CTNNA3: variants seen among roughly 807,000 people sequenced by gnomAD.
The protein encoded by CTNNA3 is catenin alpha-3.
CTNNA3 carries 76 observed loss-of-function variants against 95.7 expected under a neutral mutation model. The ratio of observed to expected loss-of-function variants is 0.79; its 90% CI spans 0.66 to 0.96. The LOEUF (loss-of-function observed/expected upper bound fraction) is 0.96, where lower values mean the gene tolerates loss of function less well. CTNNA3 is among the 40% of genes least tolerant of loss of function. CTNNA3 has a pLI of 0.00. For synonymous variants in CTNNA3, 431 were observed against 374.4 expected (o/e 1.15, Z -1.74); for missense variants, 1,191 against 1,089.8 (o/e 1.09, Z -1.31).
At chr10:65,988,834 A>G in intron 15 of CTNNA3, 37 bp from the exon 16 acceptor site, 2 of 1,432,056 alleles carry the variant, frequency 1.4e-6, no homozygotes, top group South Asian at 1.2e-5. Context: ...TGTGGTGTTC[A>G]TGAGAAAATA....
At chr10:67,701,981 C>T (rs1307855756) in intron 1 of CTNNA3, among the ~76,000 whole-genome samples, 1 of 152,166 alleles carries the variant, frequency 6.6e-6, no homozygotes, top group Non-Finnish European at 1.5e-5. Context: ...CAATCTTAGT[C>T]TCTAATAAAA....
intron 7 of CTNNA3, among the ~76,000 whole-genome samples, chr10:66,933,387 T>C (rs960871475): frequency 2.6e-5 from 4 of 152,172 alleles, no homozygotes; most frequent in Non-Finnish European, 4.4e-5. Flanking sequence ...AAAATTCTAC[T>C]TGTATTTCAG....
At chr10:66,679,202 G>A (rs999146119) in intron 9 of CTNNA3, among the ~76,000 whole-genome samples, 4 of 152,092 alleles carry the variant, frequency 2.6e-5, no homozygotes, top group Admixed American at 6.6e-5. Flanking sequence ...ACAGGAATGC[G>A]AAGCCATTTC....
chr10:67,344,050 A>C (rs1002898207), intron 5 of CTNNA3, among the ~76,000 whole-genome samples: 1 of 151,490 alleles, frequency 6.6e-6, no homozygotes, highest in East Asian at 1.9e-4. Flanking sequence ...AAGGATGTTA[A>C]ATTTTATGAA....
rs551587964 is a variant in CTNNA3 at position 67,459,442 on chromosome 10, G to T, written c.579+62400C>A. ...GTATGTTTTGCAGGAAAGTGGATAA[G>T]TGAAAACCAACTTAAGCTTCTTCTG... On this transcript the variant is annotated intron_variant, in intron 5 of 17. Transcript: ENST00000433211. Among the ~76,000 whole-genome samples the T allele has an allele frequency of 4.6e-5, 7 of 152,292 alleles. No individual in the cohort carries two copies. In the South Asian group the frequency reaches 1.0e-3, roughly 23 times the overall value.
intron 1 of CTNNA3, among the ~76,000 whole-genome samples, chr10:67,653,372 G>T (rs749729051): frequency 7.2e-5 from 11 of 152,216 alleles, no homozygotes; most frequent in Non-Finnish European, 1.2e-4. Flanking sequence ...CTTGGGTGGG[G>T]ACAAATATCC....
intron 6 of CTNNA3, among the ~76,000 whole-genome samples, chr10:67,184,357 C>T (rs1208739476): frequency 6.6e-6 from 1 of 152,170 alleles, no homozygotes; most frequent in Non-Finnish European, 1.5e-5. Flanking sequence ...CATGTTCCAT[C>T]TCCTTTTACA....
At chr10:67,078,512 C>CT (rs11396357) in intron 7 of CTNNA3, among the ~76,000 whole-genome samples, 10,984 of 151,180 alleles carry the variant, frequency 0.073, 657 homozygotes, top group African/African-American at 0.16. Context: ...TTTCTGATAC[C>CT]TTTTTTATTA....
At chr10:66,532,066 T>C (rs1453656713) in intron 10 of CTNNA3, among the ~76,000 whole-genome samples, 1 of 152,216 alleles carries the variant, frequency 6.6e-6, no homozygotes, top group African/African-American at 2.4e-5. Context: ...AAAGTTTCTC[T>C]TTAATGTACC....
intron 12 of CTNNA3, among the ~76,000 whole-genome samples, chr10:66,333,687 G>T (rs1364471914): frequency 6.6e-6 from 1 of 151,736 alleles, no homozygotes; most frequent in Non-Finnish European, 1.5e-5. Context: ...GTGTGGTGCT[G>T]AAAAGAATGT....
At chr10:66,684,318 T>C (rs1215840288) in intron 9 of CTNNA3, among the ~76,000 whole-genome samples, 1 of 152,134 alleles carries the variant, frequency 6.6e-6, no homozygotes, top group Non-Finnish European at 1.5e-5. Context: ...GATTCAATAA[T>C]ACCAAGCTTG....
chr10:65,963,124 T>A (rs1218804902), intron 17 of CTNNA3, among the ~76,000 whole-genome samples: 1 of 152,220 alleles, frequency 6.6e-6, no homozygotes, highest in Non-Finnish European at 1.5e-5. Context: ...TTGAAATACA[T>A]AGATTTACTA....
chr10:66,063,219 TAG>T (rs1434402416), intron 15 of CTNNA3, among the ~76,000 whole-genome samples: 21 of 128,650 alleles, frequency 1.6e-4, no homozygotes, highest in Non-Finnish European at 2.4e-4. Context: ...TATATAGATA[TAG>T]ATATAGATAG....
At position 67,276,099 on chromosome 10, in the gene CTNNA3, T is replaced by C. The variant is rs1049508862; in HGVS notation, c.580-56229A>G. On this transcript the variant is annotated intron_variant, in intron 5 of 17. Transcript: ENST00000433211. ...ATAAGAATATCACCAAAATACAGACTTACCAAGACTGGCCATTCATTGTCA... is the reference window on the plus strand; with the variant it reads ...ATAAGAATATCACCAAAATACAGACCTACCAAGACTGGCCATTCATTGTCA... 5.9e-5 allele frequency among the ~76,000 whole-genome samples: 9 copies of C among 152,138 alleles called. No individual in the cohort carries two copies. The South Asian group carries it at 1.7e-3, about 28-fold the overall frequency.
rs34671813 is a variant in CTNNA3, at chr10:66,021,852, C to CTTTTTTTTTTTTTTTTTTTTT, written c.2160-33056_2160-33055insAAAAAAAAAAAAAAAAAAAAA. ...GGAAATTCCATATACAGGATCTTGG[C>CTTTTTTTTTTTTTTTTTTTTT]TTTTTTTTTTTTTTTTAGATAGATA... On this transcript the variant is annotated intron_variant, in intron 15 of 17. Coordinates refer to ENST00000433211, the MANE Select transcript of CTNNA3 (RefSeq NM_013266.4). Among the ~76,000 whole-genome samples the CTTTTTTTTTTTTTTTTTTTTT allele has an allele frequency of 2.8e-3, 211 of 75,890 alleles. 47 individuals are homozygous for CTTTTTTTTTTTTTTTTTTTTT. The highest frequency in any genetic ancestry group is 8.8e-3 in the Middle Eastern group (1 of 114). 49.8% of individuals were successfully genotyped at this position (75,890 alleles called of 152,430 possible). A position where few individuals can be genotyped will look rare whatever the true frequency, so the allele number is the denominator to read the frequency against.
intron 1 of CTNNA3, among the ~76,000 whole-genome samples, chr10:67,669,771 T>TGTGAAA (rs1395786327): frequency 6.6e-6 from 1 of 152,248 alleles, no homozygotes; most frequent in Non-Finnish European, 1.5e-5. Context: ...AGAGGGCTGC[T>TGTGAAA]GTGAAACACA....
chr10:67,492,343 T>G (rs1449178660), intron 5 of CTNNA3, among the ~76,000 whole-genome samples: 1 of 52,250 alleles, frequency 1.9e-5, no homozygotes, highest in East Asian at 5.5e-4. Flanking sequence ...TAACAGTGTT[T>G]GTGCAAGTGA....
intron 5 of CTNNA3, among the ~76,000 whole-genome samples, chr10:67,356,359 C>T (rs754218944): frequency 2.6e-5 from 4 of 152,080 alleles, no homozygotes; most frequent in Non-Finnish European, 5.9e-5. Flanking sequence ...AAAAATCCAG[C>T]CTTGCAACTC....
chr10:67,352,121 T>C (rs1364626059), intron 5 of CTNNA3, among the ~76,000 whole-genome samples: 1 of 151,986 alleles, frequency 6.6e-6, no homozygotes, highest in African/African-American at 2.4e-5. Flanking sequence ...TATACTTCCA[T>C]ACAATAATCT....
Sources: allele counts gnomAD v4.1 joint callset (sites outside exome capture counted in the v4.1 genomes callset), GRCh38; gene constraint gnomAD v4.1.1; transcripts MANE v1.5; gene names NCBI Gene and HGNC (gene_info 2026-07-23, HGNC 2026-07-21).